MSANTD1: variants seen among roughly 807,000 people sequenced by gnomAD.
MSANTD1 encodes myb/SANT-like DNA-binding domain-containing protein 1.
MSANTD1 carries 7 observed loss-of-function variants against 24.2 expected under a neutral mutation model. The observed-to-expected ratio is 0.29, with a 90% CI of 0.16 to 0.54. MSANTD1 has a LOEUF of 0.54. MSANTD1 is among the 20% of genes least tolerant of loss of function. MSANTD1 has a pLI of 0.94. For missense variants in MSANTD1, 384 were observed against 408.2 expected (o/e 0.94, Z 0.51); for synonymous variants, 177 against 181.1 (o/e 0.98, Z 0.18).
In MSANTD1 at chr4:3,255,813, G is replaced by T; in HGVS notation, c.685G>T (p.Glu229Ter). The stretch of plus-strand genomic sequence containing the variant: ...GCGGCTGCTGGAGGCCATGGTGGAG[G>T]AGCAGCGCCGGCTGAGCCGCGCCGT... ...QLRLLEAMVE[E>*]QRRLSRAVEE... The change falls in exon 3 of 3, where the codon GAG becomes TAG. Residue 229 changes from glutamate to a stop codon, truncating the protein, a stop_gained. Transcript: ENST00000438480. LOFTEE classifies it high-confidence loss of function. 6.5e-7 allele frequency: 1 copy of T among 1,546,424 alleles called. No individual in the cohort carries two copies. The highest frequency in any genetic ancestry group is 1.2e-5 in the South Asian group (1 of 83,930).
upstream of MSANTD1, chr4:3,248,989 C>G: frequency 2.5e-6 from 1 of 394,912 alleles, no homozygotes. Context: ...GGGTTTGGGC[C>G]TGGCCCGCTC....
upstream of MSANTD1, chr4:3,246,724 C>T (rs1722041243): frequency 3.0e-6 from 2 of 671,670 alleles, no homozygotes; most frequent in Admixed American, 2.2e-5. Context: ...CAGGCAGGAG[C>T]AGCTGGGTGC....
In MSANTD1 at chr4:3,255,790, G is replaced by A. The variant is rs61746697; in HGVS notation, c.662G>A (p.Arg221Gln). The A allele has an allele frequency of 8.3e-5, 128 of 1,546,764 alleles. No individual in the cohort carries two copies. The highest frequency in any genetic ancestry group is 9.4e-5 in the Non-Finnish European group (108 of 1,146,664). Residue 221 changes from arginine to glutamine, a missense_variant, in exon 3 of 3, where the codon CGG becomes CAG. Arg to Gln is a conservative substitution (Grantham distance 43). Coordinates refer to ENST00000438480, the MANE Select transcript of MSANTD1 (RefSeq NM_001042690.2). ...QSCHLQKKQL[R>Q]LLEAMVEEQR... ...TGCCACCTGCAGAAGAAGCAGCTGC[G>A]GCTGCTGGAGGCCATGGTGGAGGAG...
chr4:3,254,368 G>A (rs1008762594), intron 2 of MSANTD1, among the ~76,000 whole-genome samples: 1 of 152,214 alleles, frequency 6.6e-6, no homozygotes. Flanking sequence ...AGACAAAAAC[G>A]CTTTTGCTGG....
chr4:3,249,447 C>T lies in MSANTD1; in HGVS notation c.225C>T (p.Tyr75=), dbSNP rs139323183. The T allele has an allele frequency of 1.5e-5, 24 of 1,610,824 alleles. No homozygotes were observed. Among genetic ancestry groups the T allele is most frequent in the African/African-American group, 1.5e-4 (11 of 74,912 alleles). ...AGACCAAGCGCAACGCCAAGGTGTA[C>T]GAGAAGATGGCCAGCAAGCTCTTCG... ...LKQTKRNAKV[Y]EKMASKLFEM... Residue 75 remains tyrosine (Y), a synonymous_variant, in exon 1 of 3, where the codon TAC becomes TAT. Coordinates refer to ENST00000438480, the MANE Select transcript of MSANTD1 (RefSeq NM_001042690.2).
intron 1 of MSANTD1, among the ~76,000 whole-genome samples, chr4:3,252,474 C>T (rs1722256875): frequency 6.6e-6 from 1 of 152,242 alleles, no homozygotes; most frequent in Non-Finnish European, 1.5e-5. Context: ...GGTTGTAGCG[C>T]TGGATCTAGG....
At position 3,256,195 on chromosome 4, in the gene MSANTD1, C is replaced by A; in HGVS notation, c.*230C>A. 1 of 470,204 alleles carries A rather than the reference C, an allele frequency of 2.1e-6. No individual in the cohort carries two copies. The highest frequency in any genetic ancestry group is 4.2e-5 in the Admixed American group (1 of 24,086). The allele number at this position is 470,204 out of a possible 1,614,324, so 29.1% of individuals were successfully genotyped here. A position where few individuals can be genotyped will look rare whatever the true frequency, so the allele number is the denominator to read the frequency against. Reference sequence around the variant, plus strand: ...ATGAATGCCCTTCCTCGGACACAGGCCAGGGCCTCTGGGGTTCACTCCGAG... The same window carrying A: ...ATGAATGCCCTTCCTCGGACACAGGACAGGGCCTCTGGGGTTCACTCCGAG... On this transcript the variant is annotated 3_prime_UTR_variant, in exon 3 of 3. Coordinates refer to ENST00000438480, the MANE Select transcript of MSANTD1 (RefSeq NM_001042690.2).
At position 3,249,176 on chromosome 4, in the gene MSANTD1, TGAGCGTGGAGCTGCCTTC is replaced by T; in HGVS notation, c.-41_-24del. ...TGCCTGTCAGATGTAGGCCCCATTT[TGAGCGTGGAGCTGCCTTC>T]GAGCGAGCGTGAGCGGCGCCTCCCG... On this transcript the variant is annotated 5_prime_UTR_variant, in exon 1 of 3. Transcript: ENST00000438480. 1 of 1,326,336 alleles carries T rather than the reference TGAGCGTGGAGCTGCCTTC, an allele frequency of 7.5e-7. No homozygotes were observed. Among genetic ancestry groups the T allele is most frequent in the Non-Finnish European group, 9.6e-7 (1 of 1,040,676 alleles). 82.2% of individuals were successfully genotyped at this position (1,326,336 alleles called of 1,614,324 possible).
rs1473101505 is a variant in MSANTD1, at chr4:3,253,441, T to A, written c.555T>A (p.Asp185Glu). 3.2e-6 allele frequency: 5 copies of A among 1,580,406 alleles called. No individual in the cohort carries two copies. The Admixed American group carries it at 7.0e-5, about 22-fold the overall frequency. ...QCSYEGRFED[D>E]RSDSSSSLLS... ...CCTACGAAGGCCGCTTCGAGGATGATCGCTCCGACAGCTCCTCCAGCTTAC... is the reference window on the plus strand; with the variant it reads ...CCTACGAAGGCCGCTTCGAGGATGAACGCTCCGACAGCTCCTCCAGCTTAC... Residue 185 changes from aspartate to glutamate, a missense_variant, in exon 2 of 3, where the codon GAT becomes GAA. Coordinates refer to ENST00000438480, the MANE Select transcript of MSANTD1 (RefSeq NM_001042690.2).
At chr4:3,246,677 GCCCCTCC>G (rs1051629239), upstream of MSANTD1, 1 of 697,570 alleles carries the variant, frequency 1.4e-6, no homozygotes, top group Admixed American at 2.0e-5. Context: ...CAAGGTACGA[GCCCCTCC>G]CCAGCAGGGG....
At chr4:3,250,706 A>G (rs566489287) in intron 1 of MSANTD1, among the ~76,000 whole-genome samples, 12 of 152,296 alleles carry the variant, frequency 7.9e-5, no homozygotes, top group African/African-American at 2.6e-4. Context: ...GTCAGCTTCC[A>G]GGATGGGAGT....
upstream of MSANTD1, chr4:3,246,459 C>A: frequency 2.2e-6 from 1 of 448,992 alleles, no homozygotes; most frequent in Non-Finnish European, 3.9e-6. Flanking sequence ...TTGGGCCCAG[C>A]CTCATTATTT....
intron 2 of MSANTD1, 78 bp from the exon 3 acceptor site, chr4:3,255,647 G>A (rs2110323908): frequency 2.1e-6 from 3 of 1,433,774 alleles, no homozygotes; most frequent in Admixed American, 5.5e-5. Flanking sequence ...CAGTAGGATT[G>A]TCGGGAGGGT....
chr4:3,250,815 GC>G (rs1456292756), intron 1 of MSANTD1, among the ~76,000 whole-genome samples: 3 of 152,178 alleles, frequency 2.0e-5, no homozygotes, highest in Admixed American at 6.5e-5. Context: ...CACCCCCACT[GC>G]CCCCCTCAGG....
rs140326001 is a variant in MSANTD1, at chr4:3,253,345, G to A, written c.459G>A (p.Thr153=). 179 of 1,610,760 alleles carry A rather than the reference G, an allele frequency of 1.1e-4. No homozygotes were observed. Among genetic ancestry groups the A allele is most frequent in the Non-Finnish European group, 1.3e-4 (148 of 1,178,718 alleles). ...ACAGCCAGCCGCCGGGGCCCTCCACGTCCCAGACCGAGGCGTCCCTGTCGC... is the reference window on the plus strand; with the variant it reads ...ACAGCCAGCCGCCGGGGCCCTCCACATCCCAGACCGAGGCGTCCCTGTCGC... ...LPDSQPPGPS[T]SQTEASLSPP... Residue 153 remains threonine (T), a synonymous_variant, in exon 2 of 3, where the codon ACG becomes ACA. Transcript: ENST00000438480.
chr4:3,255,000 A>C (rs1022734386), intron 2 of MSANTD1, among the ~76,000 whole-genome samples: 2 of 151,810 alleles, frequency 1.3e-5, no homozygotes, highest in Admixed American at 1.3e-4. Flanking sequence ...CCCTGCCTTC[A>C]TCTCTCCCTG....
chr4:3,253,906 C>T (rs1179600335), intron 2 of MSANTD1, among the ~76,000 whole-genome samples: 1 of 152,264 alleles, frequency 6.6e-6, no homozygotes, highest in African/African-American at 2.4e-5. Context: ...CCCTCACAGG[C>T]TAGCTGCCCT....
rs1351769166 is a variant in MSANTD1, at chr4:3,249,561, T to A, written c.320+19T>A. On this transcript the variant is annotated intron_variant, in intron 1 of 2. Coordinates refer to ENST00000438480, the MANE Select transcript of MSANTD1 (RefSeq NM_001042690.2). ...AGTACAGGTGGGCGAGCGGGCAGTGTGGGCCCCACCAGGACGGGCGGGCCC... is the reference window on the plus strand; with the variant it reads ...AGTACAGGTGGGCGAGCGGGCAGTGAGGGCCCCACCAGGACGGGCGGGCCC... The A allele has an allele frequency of 6.3e-7, 1 of 1,597,338 alleles. No homozygotes were observed. The highest frequency in any genetic ancestry group is 8.5e-7 in the Non-Finnish European group (1 of 1,170,094).
intron 1 of MSANTD1, among the ~76,000 whole-genome samples, chr4:3,252,563 A>G (rs556573624): frequency 1.3e-5 from 2 of 152,262 alleles, no homozygotes; most frequent in East Asian, 3.9e-4. Flanking sequence ...TCTGCCCTGT[A>G]GCTGGGGGAG....
Sources: allele counts gnomAD v4.1 joint callset (sites outside exome capture counted in the v4.1 genomes callset), GRCh38; gene constraint gnomAD v4.1.1; transcripts MANE v1.5; gene names NCBI Gene and HGNC (gene_info 2026-07-23, HGNC 2026-07-21).